The following HTR4 variants were observed in gnomAD, a reference collection of about 807,000 sequenced individuals.
The protein encoded by HTR4 is 5-hydroxytryptamine receptor 4, also known as 5-hydroxytryptamine (serotonin) receptor 4, G protein-coupled.
Under a neutral mutation model 36.8 loss-of-function variants are expected in HTR4, and 16 were observed. The ratio of observed to expected loss-of-function variants is 0.43; its 90% CI spans 0.29 to 0.66. The LOEUF is 0.66. HTR4 is among the 30% of genes least tolerant of loss of function. The probability of loss-of-function intolerance (pLI) is 0.13; values close to 1 mark genes in which losing one functional copy is unlikely to be tolerated. For missense variants in HTR4, 438 were observed against 490.9 expected, an observed-to-expected ratio of 0.89 and a Z score of 1.02; for synonymous variants, 189 against 185.1, an observed-to-expected ratio of 1.02 and a Z score of -0.17.
chr5:148,553,047 G>A (rs79292644), intron 2 of HTR4, among the ~76,000 whole-genome samples: 5,770 of 152,306 alleles, frequency 0.038, 163 homozygotes, highest in African/African-American at 0.066. Context: ...TGAAATAAGA[G>A]TAGATTCACA....
intron 2 of HTR4, among the ~76,000 whole-genome samples, chr5:148,636,477 C>T (rs1292863446): frequency 1.3e-5 from 2 of 152,116 alleles, no homozygotes; most frequent in South Asian, 2.1e-4. Context: ...ACTATTTCAT[C>T]TCCAAGGCTT....
intron 6 of HTR4, among the ~76,000 whole-genome samples, chr5:148,495,307 T>C (rs923842098): frequency 2.0e-5 from 3 of 152,202 alleles, no homozygotes; most frequent in Non-Finnish European, 2.9e-5. Context: ...ATGGGGATTA[T>C]CTACCAAAGA....
intron 2 of HTR4, among the ~76,000 whole-genome samples, chr5:148,611,216 A>T (rs1437530396): frequency 6.8e-6 from 1 of 147,494 alleles, no homozygotes; most frequent in East Asian, 2.1e-4. Flanking sequence ...ACTCCAAGAC[A>T]CATAATTGTC....
rs573564978 is a variant in HTR4, at chr5:148,598,562, A to T, written c.26+38427T>A. Among the ~76,000 whole-genome samples, 56 of 152,184 alleles carry T rather than the reference A, an allele frequency of 3.7e-4. No individual in the cohort carries two copies. In the South Asian group the frequency reaches 9.4e-3, roughly 25 times the overall value. ...GTGAGACTCTGTCTAAAAAAAAAAT[A>T]AAAAAAGCCAGTAGTTGAGATCAGA... On this transcript the variant is annotated intron_variant, in intron 2 of 6. Coordinates refer to ENST00000377888, the MANE Select transcript of HTR4 (RefSeq NM_000870.7).
intron 2 of HTR4, among the ~76,000 whole-genome samples, chr5:148,626,484 A>G (rs934966541): frequency 6.6e-6 from 1 of 152,176 alleles, no homozygotes; most frequent in Non-Finnish European, 1.5e-5. Context: ...AAAATATTAG[A>G]CTCGATTCTC....
chr5:148,554,558 A>G (rs954785357), intron 2 of HTR4, among the ~76,000 whole-genome samples: 1 of 152,210 alleles, frequency 6.6e-6, no homozygotes, highest in African/African-American at 2.4e-5. Context: ...GACTGGGAGC[A>G]CAGGTGAATG....
chr5:148,476,496 CT>C, downstream of HTR4: 2 of 1,126,128 alleles, frequency 1.8e-6, no homozygotes, highest in Non-Finnish European at 2.3e-6. Flanking sequence ...AGAGTTTTCT[CT>C]TATCAGAAGG....
chr5:148,639,617 G>GTATATATATA (rs370514542), intron 1 of HTR4, among the ~76,000 whole-genome samples: 1,765 of 111,690 alleles, frequency 0.016, 33 homozygotes, highest in Middle Eastern at 0.033. Flanking sequence ...TTTCTTCCCA[G>GTATATATATA]TATATATATA....
intron 2 of HTR4, among the ~76,000 whole-genome samples, chr5:148,550,861 C>T (rs1759648630): frequency 1.3e-5 from 2 of 152,142 alleles, no homozygotes; most frequent in Admixed American, 6.5e-5. Flanking sequence ...CCTAGCATCA[C>T]CTTGTGGCAT....
intron 2 of HTR4, among the ~76,000 whole-genome samples, chr5:148,634,789 A>G (rs1753469835): frequency 1.3e-5 from 2 of 152,036 alleles, no homozygotes; most frequent in South Asian, 4.1e-4. Context: ...TCCCTTTTCC[A>G]TTCATTTTCT....
chr5:148,507,016 G>A (rs1265173564), intron 6 of HTR4, among the ~76,000 whole-genome samples: 2 of 152,020 alleles, frequency 1.3e-5, no homozygotes, highest in African/African-American at 2.4e-5. Context: ...CAGCCATCCT[G>A]TTACTGGGTA....
At chr5:148,637,362 G>T (rs114722583) in intron 1 of HTR4, among the ~76,000 whole-genome samples, 1,728 of 152,166 alleles carry the variant, frequency 0.011, 38 homozygotes, top group African/African-American at 0.04. Flanking sequence ...TTTATGATCT[G>T]CATTAGGACA....
At chr5:148,570,013 C>G (rs1230699179) in intron 2 of HTR4, among the ~76,000 whole-genome samples, 1 of 152,118 alleles carries the variant, frequency 6.6e-6, no homozygotes, top group East Asian at 1.9e-4. Flanking sequence ...CTCTGGCCAA[C>G]ACCTAAGTCT....
At chr5:148,598,000 C>T (rs1311694114) in intron 2 of HTR4, among the ~76,000 whole-genome samples, 2 of 152,068 alleles carry the variant, frequency 1.3e-5, no homozygotes, top group Admixed American at 1.3e-4. Flanking sequence ...ATTCTGAGCA[C>T]GTTTATGAAA....
At chr5:148,542,611 A>T (rs967088114) in intron 4 of HTR4, among the ~76,000 whole-genome samples, 9 of 152,240 alleles carry the variant, frequency 5.9e-5, no homozygotes, top group African/African-American at 2.2e-4. Context: ...ACTATAGAGA[A>T]TACTATCTTC....
chr5:148,516,407 C>A (rs1757756509), intron 5 of HTR4, among the ~76,000 whole-genome samples: 1 of 149,812 alleles, frequency 6.7e-6, no homozygotes, highest in Non-Finnish European at 1.5e-5. Flanking sequence ...GCAACCTCCA[C>A]CTCATGGGTT....
chr5:148,496,352 C>G (rs1756684935), intron 6 of HTR4, among the ~76,000 whole-genome samples: 1 of 152,032 alleles, frequency 6.6e-6, no homozygotes, highest in Non-Finnish European at 1.5e-5. Context: ...GAGTGATCTG[C>G]AGATCATGCT....
chr5:148,638,673 CCCA>C (rs1440307098), intron 1 of HTR4, among the ~76,000 whole-genome samples: 3 of 152,128 alleles, frequency 2.0e-5, no homozygotes, highest in African/African-American at 7.2e-5. Context: ...CAGTAAATGG[CCCA>C]CCATTTACCC....
rs534095979 is a variant in HTR4, at chr5:148,590,543, C to T, written c.27-40281G>A. 1.3e-3 allele frequency among the ~76,000 whole-genome samples: 194 copies of T among 151,826 alleles called. 1 individual carries two copies. The highest frequency in any genetic ancestry group is 2.4e-3 in the Non-Finnish European group (160 of 67,916). Reference sequence around the variant, plus strand: ...AACAGCAGAGCAAATACTTTCTCAGCGCTACCCACATGTTCATTAAATTTT... The same window carrying T: ...AACAGCAGAGCAAATACTTTCTCAGTGCTACCCACATGTTCATTAAATTTT... On this transcript the variant is annotated intron_variant, in intron 2 of 6. Coordinates refer to ENST00000377888, the MANE Select transcript of HTR4 (RefSeq NM_000870.7).
Sources: gnomAD v4.1 joint callset for allele counts (sites outside exome capture counted in the v4.1 genomes callset) on GRCh38, gnomAD v4.1.1 for gene constraint, MANE v1.5 for transcripts, NCBI Gene and HGNC (gene_info 2026-07-23, HGNC 2026-07-21) for gene names.